The following PLCH1 variants were observed in gnomAD, a reference collection of about 807,000 sequenced individuals.
PLCH1 encodes phospholipase C eta 1.
In PLCH1, 60 loss-of-function variants were observed where a neutral mutation model predicts 126.7. The ratio of observed to expected loss-of-function variants is 0.47; its 90% confidence interval spans 0.38 to 0.59. PLCH1 has a LOEUF of 0.59. Among genes scored for constraint, PLCH1 ranks in the 20% least tolerant of loss-of-function variants. PLCH1 has a pLI of 0.00. For missense variants in PLCH1, 1,723 were observed against 2,040.0 expected, an observed-to-expected ratio of 0.84 and a Z score of 2.99; for synonymous variants, 719 against 734.9, an observed-to-expected ratio of 0.98 and a Z score of 0.35.
intron 1 of PLCH1, among the ~76,000 whole-genome samples, chr3:155,718,636 C>T (rs931293899): frequency 4.6e-5 from 7 of 152,006 alleles, no homozygotes; most frequent in African/African-American, 1.7e-4. Flanking sequence ...GAAACAGGAG[C>T]AAGAGGGTGA....
At chr3:155,555,561 A>G (rs183642248) in intron 8 of PLCH1, among the ~76,000 whole-genome samples, 13 of 152,304 alleles carry the variant, frequency 8.5e-5, no homozygotes, top group Admixed American at 6.5e-4. Context: ...GGAAATTTGA[A>G]GTTTTATTGT....
At chr3:155,505,123 A>G (rs895686638) in intron 12 of PLCH1, among the ~76,000 whole-genome samples, 3 of 152,256 alleles carry the variant, frequency 2.0e-5, no homozygotes, top group African/African-American at 7.2e-5. Flanking sequence ...AAACATTATA[A>G]ATAAATAAAA....
intron 6 of PLCH1, among the ~76,000 whole-genome samples, chr3:155,576,466 C>T (rs933305757): frequency 2.0e-5 from 3 of 152,148 alleles, no homozygotes; most frequent in Non-Finnish European, 2.9e-5. Context: ...AATCAAACAG[C>T]AATTGGACCT....
At chr3:155,613,640 A>C (rs1735422601) in intron 2 of PLCH1, among the ~76,000 whole-genome samples, 1 of 152,210 alleles carries the variant, frequency 6.6e-6, no homozygotes, top group Non-Finnish European at 1.5e-5. Flanking sequence ...CTGCCGTAGA[A>C]GGGACATACC....
intron 1 of PLCH1, among the ~76,000 whole-genome samples, chr3:155,713,296 C>A (rs1747280721): frequency 6.6e-6 from 1 of 152,170 alleles, no homozygotes; most frequent in Non-Finnish European, 1.5e-5. Flanking sequence ...TGAAACATTA[C>A]TTATTCAAAA....
At chr3:155,478,111 G>A (rs1713624101), downstream of PLCH1, among the ~76,000 whole-genome samples, 1 of 152,088 alleles carries the variant, frequency 6.6e-6, no homozygotes, top group Non-Finnish European at 1.5e-5. Flanking sequence ...GATGGAACTG[G>A]AGATCATTAG....
chr3:155,609,023 A>G (rs1734731886), intron 2 of PLCH1, among the ~76,000 whole-genome samples: 1 of 152,190 alleles, frequency 6.6e-6, no homozygotes, highest in African/African-American at 2.4e-5. Context: ...CATGCAACAT[A>G]CTGGCTAACC....
At chr3:155,744,637 G>A (rs571110687) in intron 1 of PLCH1, among the ~76,000 whole-genome samples, 70 of 152,286 alleles carry the variant, frequency 4.6e-4, no homozygotes, top group Middle Eastern at 3.4e-3. Context: ...CCTGAAGAGC[G>A]GCCGTGGCCA....
At chr3:155,590,988 A>G (rs1732088725) in intron 4 of PLCH1, among the ~76,000 whole-genome samples, 2 of 152,198 alleles carry the variant, frequency 1.3e-5, no homozygotes, top group South Asian at 4.1e-4. Flanking sequence ...CTTTCTGGAC[A>G]GTATATTTTC....
At position 155,613,559 on chromosome 3, in the gene PLCH1, T is replaced by C. The variant is rs190782690; in HGVS notation, c.80-17181A>G. Among the ~76,000 whole-genome samples, 13 of 152,228 alleles carry C rather than the reference T, an allele frequency of 8.5e-5. No homozygotes were observed. In the East Asian group the frequency reaches 1.4e-3, roughly 16 times the overall value. Reference sequence around the variant, plus strand: ...AGAACTAAAAACAAAAATCATATGATCATCTCAACAGACACAGAAAAAGTG... The same window carrying C: ...AGAACTAAAAACAAAAATCATATGACCATCTCAACAGACACAGAAAAAGTG... On this transcript the variant is annotated intron_variant, in intron 2 of 22. Transcript: ENST00000460012.
chr3:155,536,635 G>T (rs899407038), intron 10 of PLCH1, among the ~76,000 whole-genome samples: 4 of 151,826 alleles, frequency 2.6e-5, no homozygotes, highest in African/African-American at 9.7e-5. Context: ...AAAGAAAAAA[G>T]AATTAAAAAA....
chr3:155,481,554 G>A lies in PLCH1; in HGVS notation c.4472C>T (p.Thr1491Ile), dbSNP rs1336663570. 5 of 1,614,052 alleles carry A rather than the reference G, an allele frequency of 3.1e-6. No individual in the cohort carries two copies. Among genetic ancestry groups the A allele is most frequent in the Non-Finnish European group, 4.2e-6 (5 of 1,180,048 alleles). ...AAAATTGCAGGCAATGTCCTCTGAT[G>A]TTAAGTCCCCCAGACTTTTGGATTT... ...PCKSKSLGDL[T>I]SEDIACNFES... The change falls in exon 23 of 23, where the codon ACA (threonine) becomes ATA (isoleucine). Residue 1491 changes from threonine (T) to isoleucine (I), a missense_variant. This residue lies in a region of PLCH1 where 947 missense variants were observed against 977.1 expected (regional missense o/e 0.97). Coordinates refer to ENST00000460012, the MANE Select transcript of PLCH1 (RefSeq NM_014996.4). The surrounding 1 kb of genome is among the most constrained non-coding windows in gnomAD (Gnocchi z 4.2).
At chr3:155,565,690 TTTTA>T (rs200767198) in intron 7 of PLCH1, among the ~76,000 whole-genome samples, 6,482 of 110,096 alleles carry the variant, frequency 0.059, 224 homozygotes, top group Middle Eastern at 0.16. Flanking sequence ...CTTTATTTTA[TTTTA>T]TTTATTTATT....
At position 155,482,786 on chromosome 3, in the gene PLCH1, C is replaced by A; in HGVS notation, c.3240G>T (p.Gln1080His). ...PCPSKSLSPK[Q>H]HLAPDPVVNP... ...TAACTACAGGATCGGGAGCCAAATG[C>A]TGCTTTGGGGAGAGAGACTTGCTGG... Residue 1080 changes from glutamine (Q) to histidine (H), a missense_variant, in exon 23 of 23, where the codon CAG becomes CAT. This residue lies in a region of PLCH1 where 947 missense variants were observed against 977.1 expected (regional missense o/e 0.97). Transcript: ENST00000460012. 1 of 1,614,184 alleles carries A rather than the reference C, an allele frequency of 6.2e-7. No homozygotes were observed. Among genetic ancestry groups the A allele is most frequent in the Non-Finnish European group, 8.5e-7 (1 of 1,180,030 alleles).
At chr3:155,472,924 T>C (rs1713338796) in intron 21 of PLCH1, among the ~76,000 whole-genome samples, 1 of 149,792 alleles carries the variant, frequency 6.7e-6, no homozygotes, top group Non-Finnish European at 1.5e-5. Flanking sequence ...TGATGGGACG[T>C]ATTTCAAAAT....
At position 155,586,238 on chromosome 3, in the gene PLCH1, A is replaced by T. The variant is rs7653655; in HGVS notation, c.471-44T>A. 3.3e-3 allele frequency: 5,229 copies of T among 1,601,056 alleles called. 156 individuals carry two copies. In the African/African-American group the frequency reaches 0.061, roughly 19 times the overall value. On this transcript the variant is annotated intron_variant, in intron 4 of 22. Transcript: ENST00000460012. Reference sequence around the variant, plus strand: ...AAACACCTGTGCTCTCATCAAAATTAAAAACTGCTCTCTCACAGAATACTC... The same window carrying T: ...AAACACCTGTGCTCTCATCAAAATTTAAAACTGCTCTCTCACAGAATACTC...
At chr3:155,606,106 A>G (rs1009297038) in intron 2 of PLCH1, among the ~76,000 whole-genome samples, 3 of 152,252 alleles carry the variant, frequency 2.0e-5, no homozygotes, top group African/African-American at 7.2e-5. Context: ...AAAAACAGAT[A>G]TCAAAGCTAT....
intron 10 of PLCH1, among the ~76,000 whole-genome samples, chr3:155,532,820 C>T (rs1465200526): frequency 1.3e-5 from 2 of 152,128 alleles, no homozygotes; most frequent in African/African-American, 2.4e-5. Flanking sequence ...TGAAAACTGA[C>T]TAATACAGTA....
At chr3:155,685,720 A>G (rs1172472381) in intron 2 of PLCH1, among the ~76,000 whole-genome samples, 1 of 152,238 alleles carries the variant, frequency 6.6e-6, no homozygotes, top group African/African-American at 2.4e-5. Context: ...CTAGCCCAGC[A>G]TATAAGTGCT....
Sources: gnomAD v4.1 joint callset for allele counts (sites outside exome capture counted in the v4.1 genomes callset) on GRCh38, gnomAD v4.1.1 for gene constraint, gnomAD v4.1.1 regional missense constraint, Gnocchi (gnomAD v3.1) non-coding constraint, MANE v1.5 for transcripts, NCBI Gene and HGNC (gene_info 2026-07-23, HGNC 2026-07-21) for gene names.